Variants in MAGI3 observed in about 807,000 individuals in gnomAD.
MAGI3 encodes membrane-associated guanylate kinase, WW and PDZ domain-containing protein 3.
MAGI3 carries 43 observed loss-of-function variants against 121.8 expected under a neutral mutation model. The ratio of observed to expected loss-of-function variants is 0.35; its 90% CI spans 0.28 to 0.46. The LOEUF is 0.46. Ranked by LOEUF, MAGI3 falls within the 20% of genes least tolerant of loss-of-function variation. The pLI is 1.00. For synonymous variants in MAGI3, 553 were observed against 639.3 expected (o/e 0.86, Z 2.04); for missense variants, 1,547 against 1,797.3 (o/e 0.86, Z 2.52).
intron 10 of MAGI3, among the ~76,000 whole-genome samples, chr1:113,642,907 G>T (rs1652628959): frequency 6.6e-6 from 1 of 152,138 alleles, no homozygotes; most frequent in Non-Finnish European, 1.5e-5. Flanking sequence ...CCTCTGTAAT[G>T]CACCAAAGAT....
rs1440625924 is a variant in MAGI3, at chr1:113,684,629, G to A, written c.*615G>A. 6 of 152,196 alleles carry A rather than the reference G, an allele frequency of 3.9e-5. No individual in the cohort carries two copies. Among genetic ancestry groups the A allele is most frequent in the African/African-American group, 1.4e-4 (6 of 41,424 alleles). 9.4% of individuals were successfully genotyped at this position (152,196 alleles called of 1,614,324 possible). A position where few individuals can be genotyped will look rare whatever the true frequency, so the allele number is the denominator to read the frequency against. ...AAAAAAAATGTAGTCCAATATTGATGCTTTCTTATGGCTTTTTATTTTAAT... is the reference window on the plus strand; with the variant it reads ...AAAAAAAATGTAGTCCAATATTGATACTTTCTTATGGCTTTTTATTTTAAT... On this transcript the variant is annotated 3_prime_UTR_variant, in exon 21 of 21. Coordinates refer to ENST00000307546, the MANE Select transcript of MAGI3 (RefSeq NM_001142782.2).
intron 1 of MAGI3, among the ~76,000 whole-genome samples, chr1:113,430,604 A>C (rs1249745825): frequency 6.6e-6 from 1 of 152,208 alleles, no homozygotes; most frequent in Non-Finnish European, 1.5e-5. Context: ...TAAATAGAAC[A>C]CTATTGAAGT....
intron 1 of MAGI3, among the ~76,000 whole-genome samples, chr1:113,495,240 C>G (rs888020689): frequency 6.6e-6 from 1 of 151,866 alleles, no homozygotes; most frequent in African/African-American, 2.4e-5. Flanking sequence ...TTGTTAGGCT[C>G]TCATATAAAT....
At chr1:113,665,511 AATT>A (rs1653996142) in intron 16 of MAGI3, among the ~76,000 whole-genome samples, 1 of 152,148 alleles carries the variant, frequency 6.6e-6, no homozygotes, top group Admixed American at 6.6e-5. Flanking sequence ...TTTTAGAACA[AATT>A]ATTAAGCTCC....
At chr1:113,460,795 C>T (rs1360193656) in intron 1 of MAGI3, among the ~76,000 whole-genome samples, 2 of 150,788 alleles carry the variant, frequency 1.3e-5, no homozygotes, top group Non-Finnish European at 2.9e-5. Flanking sequence ...GGTGACAGAG[C>T]GAGACTCCAT....
intron 1 of MAGI3, among the ~76,000 whole-genome samples, chr1:113,455,813 A>G (rs896084570): frequency 6.6e-6 from 1 of 152,142 alleles, no homozygotes; most frequent in African/African-American, 2.4e-5. Context: ...TTTCTCCCCA[A>G]GTATATCATA....
In MAGI3 at chr1:113,590,558, A is replaced by G; in HGVS notation, c.838A>G (p.Met280Val). The change falls in exon 5 of 21, where the codon ATG (methionine) becomes GTG (valine). Residue 280 changes from methionine to valine, a missense_variant. Coordinates refer to ENST00000307546, the MANE Select transcript of MAGI3 (RefSeq NM_001142782.2). Reference sequence around the variant, plus strand: ...AAGTTACAACCAAACAAATAGCTCCATGGACTTTAGAAATTATATGATGAG... The same window carrying G: ...AAGTTACAACCAAACAAATAGCTCCGTGGACTTTAGAAATTATATGATGAG... ...VPSYNQTNSS[M>V]DFRNYMMRDE... 6.2e-7 allele frequency: 1 copy of G among 1,613,688 alleles called. No individual in the cohort carries two copies. The highest frequency in any genetic ancestry group is 8.5e-7 in the Non-Finnish European group (1 of 1,179,624).
At chr1:113,566,963 A>G (rs909228265) in intron 2 of MAGI3, among the ~76,000 whole-genome samples, 1 of 151,958 alleles carries the variant, frequency 6.6e-6, no homozygotes, top group African/African-American at 2.4e-5. Context: ...CTGAATAGAA[A>G]ACATTAAAAA....
At chr1:113,530,589 C>G (rs1399012407) in intron 1 of MAGI3, among the ~76,000 whole-genome samples, 1 of 148,304 alleles carries the variant, frequency 6.7e-6, no homozygotes, top group Non-Finnish European at 1.5e-5. Context: ...ACCCAGAAAC[C>G]TAAAATAAAA....
chr1:113,443,829 T>C (rs1654032890), intron 1 of MAGI3, among the ~76,000 whole-genome samples: 1 of 152,228 alleles, frequency 6.6e-6, no homozygotes. Context: ...ATTTATTCAT[T>C]TTGTAAAAAT....
At chr1:113,673,708 C>T (rs181289777) in intron 19 of MAGI3, among the ~76,000 whole-genome samples, 3 of 152,296 alleles carry the variant, frequency 2.0e-5, no homozygotes, top group African/African-American at 7.2e-5. Flanking sequence ...CCTTCTTGAC[C>T]TTGGTCAATA....
In MAGI3 at chr1:113,390,969, A is replaced by T. The variant is rs1483166656; in HGVS notation, c.-65A>T. 21 of 1,408,708 alleles carry T rather than the reference A, an allele frequency of 1.5e-5. No individual in the cohort carries two copies. Among genetic ancestry groups the T allele is most frequent in the Non-Finnish European group, 1.9e-5 (20 of 1,076,426 alleles). 87.3% of individuals were successfully genotyped at this position (1,408,708 alleles called of 1,614,324 possible). A position where few individuals can be genotyped will look rare whatever the true frequency, so the allele number is the denominator to read the frequency against. ...GGCCGCCCAGGGCCCCCGGGCTGAG[A>T]CGGGGCCGGAGCGGCGCCCCGGCCG... On this transcript the variant is annotated 5_prime_UTR_variant, in exon 1 of 21. Transcript: ENST00000307546.
At chr1:113,463,060 A>T (rs1362993592) in intron 1 of MAGI3, among the ~76,000 whole-genome samples, 1 of 152,154 alleles carries the variant, frequency 6.6e-6, no homozygotes, top group Non-Finnish European at 1.5e-5. Context: ...GAATAAATTC[A>T]TGAAATATCA....
intron 11 of MAGI3, among the ~76,000 whole-genome samples, chr1:113,644,464 G>T (rs898541244): frequency 6.6e-6 from 1 of 151,976 alleles, no homozygotes; most frequent in Non-Finnish European, 1.5e-5. Flanking sequence ...TGTATTTTTA[G>T]TAGAGACAGG....
chr1:113,453,989 A>T (rs940578889), intron 1 of MAGI3, among the ~76,000 whole-genome samples: 2 of 152,238 alleles, frequency 1.3e-5, no homozygotes, highest in African/African-American at 4.8e-5. Flanking sequence ...TAATATAATT[A>T]TGCTGACCCT....
Position 113,450,121 on chromosome 1 carries a change from G to A in MAGI3, c.316+58772G>A. On this transcript the variant is annotated intron_variant, in intron 1 of 20. Coordinates refer to ENST00000307546, the MANE Select transcript of MAGI3 (RefSeq NM_001142782.2). ...ATAGAAGTTACGGAAGACAGGCAGA[G>A]TGGGAAAAAGAGGATTTGCTTTTGT... The A allele has an allele frequency of 2.1e-6, 3 of 1,460,018 alleles. No homozygotes were observed. In the South Asian group the frequency reaches 3.4e-5, roughly 17 times the overall value. The allele number at this position is 1,460,018 out of a possible 1,614,324, so 90.4% of individuals were successfully genotyped here.
chr1:113,516,390 C>CAAAAAAAAAAAAAAAAAAA (rs60186333), intron 1 of MAGI3, among the ~76,000 whole-genome samples: 1 of 70,996 alleles, frequency 1.4e-5, no homozygotes, highest in Non-Finnish European at 2.5e-5. Flanking sequence ...GAAGTTCTCA[C>CAAAAAAAAAAAAAAAAAAA]AAAAAAAAAA....
At chr1:113,426,269 A>G (rs951099305) in intron 1 of MAGI3, among the ~76,000 whole-genome samples, 1 of 152,184 alleles carries the variant, frequency 6.6e-6, no homozygotes, top group Non-Finnish European at 1.5e-5. Context: ...AACACAATCT[A>G]TGATTTCAAT....
intron 2 of MAGI3, among the ~76,000 whole-genome samples, chr1:113,569,600 A>G (rs1660574632): frequency 6.6e-6 from 1 of 152,144 alleles, no homozygotes; most frequent in South Asian, 2.1e-4. Flanking sequence ...AGAAAGTACT[A>G]TTTCAAGAAA....
Sources: gnomAD v4.1 joint callset for allele counts (sites outside exome capture counted in the v4.1 genomes callset) on GRCh38, gnomAD v4.1.1 for gene constraint, MANE v1.5 for transcripts, NCBI Gene and HGNC (gene_info 2026-07-23, HGNC 2026-07-21) for gene names.